FRMD5: variants seen among roughly 807,000 people sequenced by gnomAD.
FRMD5 encodes FERM domain-containing protein 5.
Under a neutral mutation model 69.0 loss-of-function variants are expected in FRMD5, and 20 were observed. The ratio of observed to expected loss-of-function variants is 0.29; its 90% CI spans 0.20 to 0.42. The LOEUF is 0.42. Among genes scored for constraint, FRMD5 ranks in the 10% least tolerant of loss-of-function variants. The pLI, the probability that FRMD5 is intolerant of heterozygous loss-of-function variation, is 1.00. For synonymous variants in FRMD5, 271 were observed against 260.1 expected (o/e 1.04, Z -0.40); for missense variants, 595 against 708.6 (o/e 0.84, Z 1.82).
chr15:43,998,783 C>T (rs957725105), intron 1 of FRMD5, among the ~76,000 whole-genome samples: 1 of 152,176 alleles, frequency 6.6e-6, no homozygotes, highest in African/African-American at 2.4e-5. Context: ...GATTTCACAT[C>T]AGGAAGTTCA....
At chr15:43,936,115 C>A (rs1325397140) in intron 1 of FRMD5, among the ~76,000 whole-genome samples, 2 of 152,232 alleles carry the variant, frequency 1.3e-5, no homozygotes, top group Non-Finnish European at 2.9e-5. Context: ...GAGACAGAAG[C>A]ATGGTGTCCA....
chr15:43,875,361 AAAATATAT>A (rs1207125073), intron 13 of FRMD5, among the ~76,000 whole-genome samples: 24 of 104,330 alleles, frequency 2.3e-4, no homozygotes, highest in Middle Eastern at 4.3e-3. Context: ...AAAAAAAAAA[AAAATATAT>A]ATATATATAT....
chr15:44,050,663 T>C lies in FRMD5; in HGVS notation c.103-126354A>G, dbSNP rs1485594173. ...GGTGTGAGGCACACTGGCCTTTTTT[T>C]TTTTTCTTTTTTCAGACAGAGTCTC... is the stretch of plus-strand genomic sequence containing the variant. On this transcript the variant is annotated intron_variant, in intron 1 of 13. Coordinates refer to ENST00000417257, the MANE Select transcript of FRMD5 (RefSeq NM_032892.5). 3.3e-5 allele frequency among the ~76,000 whole-genome samples: 5 copies of C among 150,148 alleles called. No individual in the cohort carries two copies. The East Asian group carries it at 7.9e-4, about 24-fold the overall frequency.
intron 1 of FRMD5, among the ~76,000 whole-genome samples, chr15:43,958,490 A>T (rs1169690854): frequency 6.6e-6 from 1 of 152,230 alleles, no homozygotes; most frequent in Non-Finnish European, 1.5e-5. Flanking sequence ...GCAACATCAC[A>T]ATCACGATCG....
chr15:44,196,813 C>G (rs1464307225), upstream of FRMD5, among the ~76,000 whole-genome samples: 3 of 145,620 alleles, frequency 2.1e-5, no homozygotes, highest in Non-Finnish European at 4.5e-5. Flanking sequence ...TTTCTATCAC[C>G]TTAGTAACCT....
At chr15:44,018,816 T>C (rs1039828076) in intron 1 of FRMD5, among the ~76,000 whole-genome samples, 2 of 152,178 alleles carry the variant, frequency 1.3e-5, no homozygotes, top group Non-Finnish European at 2.9e-5. Context: ...GCAGTTTATT[T>C]CCAGAGAAAT....
At chr15:44,039,693 G>A (rs969662280) in intron 1 of FRMD5, among the ~76,000 whole-genome samples, 1 of 152,090 alleles carries the variant, frequency 6.6e-6, no homozygotes, top group African/African-American at 2.4e-5. Flanking sequence ...AAGACCAAAG[G>A]TAGACAAATC....
chr15:43,907,646 T>C (rs565292702), intron 5 of FRMD5, among the ~76,000 whole-genome samples: 1 of 151,998 alleles, frequency 6.6e-6, no homozygotes, highest in Non-Finnish European at 1.5e-5. Flanking sequence ...TAGCTGGGAC[T>C]ACAGGCATGT....
At chr15:43,915,638 G>A (rs910768498) in intron 4 of FRMD5, among the ~76,000 whole-genome samples, 2 of 152,116 alleles carry the variant, frequency 1.3e-5, no homozygotes. Flanking sequence ...CTCTAGCCTA[G>A]ACAAGAAAAT....
intron 1 of FRMD5, among the ~76,000 whole-genome samples, chr15:44,019,766 A>G (rs571715756): frequency 4.7e-4 from 71 of 150,236 alleles, no homozygotes; most frequent in Non-Finnish European, 7.1e-4. Context: ...AAAAAAGGAA[A>G]AGAAAAGAAA....
Position 43,870,910 on chromosome 15 carries a change from A to G in FRMD5, c.*2975T>C, listed in dbSNP as rs1595460633. The G allele has an allele frequency of 6.6e-6, 1 of 152,230 alleles. No homozygotes were observed. The highest frequency in any genetic ancestry group is 1.5e-5 in the Non-Finnish European group (1 of 68,040). 9.4% of individuals were successfully genotyped at this position (152,230 alleles called of 1,614,324 possible). ...GTTTTTGGCACACAGAAGGTTAACA[A>G]CTATATATTTTTAAATGTATCTAAG... On this transcript the variant is annotated 3_prime_UTR_variant, in exon 14 of 14. Transcript: ENST00000417257.
chr15:43,931,874 A>G (rs372751348), intron 1 of FRMD5, among the ~76,000 whole-genome samples: 66 of 152,264 alleles, frequency 4.3e-4, no homozygotes, highest in African/African-American at 1.6e-3. Flanking sequence ...CTATCAGGTT[A>G]CTTATGTTCC....
chr15:44,062,182 T>C (rs1893116140), intron 1 of FRMD5, among the ~76,000 whole-genome samples: 1 of 152,208 alleles, frequency 6.6e-6, no homozygotes, highest in Non-Finnish European at 1.5e-5. Context: ...TGATGCCTTT[T>C]TACTTTGCAA....
intron 4 of FRMD5, among the ~76,000 whole-genome samples, chr15:43,910,557 G>A (rs1426489567): frequency 7.4e-6 from 1 of 136,050 alleles, no homozygotes; most frequent in Non-Finnish European, 1.5e-5. Context: ...CTGGGCAATC[G>A]GAGAGACCTT....
chr15:44,160,677 T>G (rs1294371931), intron 1 of FRMD5, among the ~76,000 whole-genome samples: 1 of 152,254 alleles, frequency 6.6e-6, no homozygotes. Flanking sequence ...AACCACCTAT[T>G]GTTGGATGCT....
chr15:44,091,428 A>G (rs2076471623), intron 1 of FRMD5, among the ~76,000 whole-genome samples: 1 of 152,208 alleles, frequency 6.6e-6, no homozygotes, highest in African/African-American at 2.4e-5. Context: ...CCTTAAGAAC[A>G]TAAAACATAA....
intron 1 of FRMD5, among the ~76,000 whole-genome samples, chr15:43,936,697 C>T (rs570771559): frequency 2.0e-5 from 3 of 151,104 alleles, no homozygotes; most frequent in East Asian, 3.9e-4. Flanking sequence ...ACTTCAGAAT[C>T]GGTCTGCTGG....
chr15:43,885,601 C>T lies in FRMD5; in HGVS notation c.959+80G>A, dbSNP rs1218455640. 5 of 1,219,994 alleles carry T rather than the reference C, an allele frequency of 4.1e-6. No homozygotes were observed. In the African/African-American group the frequency reaches 4.5e-5, roughly 11 times the overall value. The allele number at this position is 1,219,994 out of a possible 1,614,324, so 75.6% of individuals were successfully genotyped here. Reference sequence around the variant, plus strand: ...CTGAGTCCTCCCTGGTTTCTCTGTTCTAAAGGATAAGGACCACTGAGTTCT... The same window carrying T: ...CTGAGTCCTCCCTGGTTTCTCTGTTTTAAAGGATAAGGACCACTGAGTTCT... On this transcript the variant is annotated intron_variant, in intron 11 of 13. Transcript: ENST00000417257.
intron 6 of FRMD5, among the ~76,000 whole-genome samples, chr15:43,903,870 G>A (rs2089106118): frequency 6.6e-6 from 1 of 152,196 alleles, no homozygotes; most frequent in Non-Finnish European, 1.5e-5. Context: ...AGCCCTCCAG[G>A]CAGTTCCAGC....
Sources: allele counts gnomAD v4.1 joint callset (sites outside exome capture counted in the v4.1 genomes callset), GRCh38; gene constraint gnomAD v4.1.1; transcripts MANE v1.5; gene names NCBI Gene and HGNC (gene_info 2026-07-23, HGNC 2026-07-21).